The following MYO7A variants were observed in gnomAD, a reference collection of about 807,000 sequenced individuals.
The protein encoded by MYO7A is myosin VIIA, also known as unconventional myosin-VIIa.
MYO7A carries 210 observed loss-of-function variants against 263.8 expected under a neutral mutation model. The observed-to-expected ratio is 0.80, with a 90% CI of 0.71 to 0.89. The LOEUF is 0.89. Among genes scored for constraint, MYO7A ranks in the 40% least tolerant of loss-of-function variants. MYO7A has a pLI of 0.00. For synonymous variants in MYO7A, 1,239 were observed against 1,197.3 expected (o/e 1.03, Z -0.72); for missense variants, 2,820 against 2,968.3 (o/e 0.95, Z 1.16).
intron 2 of MYO7A, among the ~76,000 whole-genome samples, chr11:77,136,236 T>C (rs1950899269): frequency 6.6e-6 from 1 of 152,200 alleles, no homozygotes; most frequent in South Asian, 2.1e-4. Context: ...CTGGCCGCCG[T>C]GGTTTCTGAT....
At chr11:77,167,344 G>A (rs1953647829) in intron 15 of MYO7A, among the ~76,000 whole-genome samples, 1 of 152,094 alleles carries the variant, frequency 6.6e-6, no homozygotes, top group African/African-American at 2.4e-5. Context: ...AGGCCCTGGT[G>A]GGCGCCTATG....
intron 13 of MYO7A, among the ~76,000 whole-genome samples, chr11:77,162,540 T>C (rs1380001190): frequency 1.3e-5 from 2 of 152,212 alleles, no homozygotes; most frequent in Non-Finnish European, 2.9e-5. Flanking sequence ...GATCCATGCA[T>C]GCAGTTGGCA....
At chr11:77,169,554 C>T (rs1555074746) in intron 15 of MYO7A, among the ~76,000 whole-genome samples, 1 of 152,176 alleles carries the variant, frequency 6.6e-6, no homozygotes, top group African/African-American at 2.4e-5. Flanking sequence ...CCACCTTTAC[C>T]CCATCCCCAT....
At chr11:77,162,371 G>A (rs990260730) in intron 13 of MYO7A, 41 bp downstream of exon 13, 43 of 1,525,322 alleles carry the variant, frequency 2.8e-5, no homozygotes, top group Middle Eastern at 2.0e-4. Context: ...TCTTGGGTGC[G>A]CACAGCTTCC....
chr11:77,160,928 G>A (rs28581389), intron 11 of MYO7A, 45 bp from the exon 12 acceptor site: 34 of 1,575,794 alleles, frequency 2.2e-5, no homozygotes, highest in African/African-American at 1.8e-4. Flanking sequence ...CCTGTCCCCC[G>A]GGGGAGGGTG....
chr11:77,194,670 A>C, intron 32 of MYO7A, 146 bp downstream of exon 32: 28 of 869,334 alleles, frequency 3.2e-5, no homozygotes, highest in Middle Eastern at 3.5e-4. Flanking sequence ...ACATCAGCTC[A>C]CTCATTCTCC....
intron 14 of MYO7A, 29 bp from the exon 15 acceptor site, chr11:77,166,027 G>A (rs781986314): frequency 1.3e-6 from 2 of 1,561,116 alleles, no homozygotes; most frequent in South Asian, 1.1e-5. Context: ...CAGAGCTGGT[G>A]AGAGGTGACT....
intron 39 of MYO7A, 117 bp from the exon 40 acceptor site, chr11:77,205,345 G>T: frequency 8.1e-7 from 1 of 1,233,246 alleles, no homozygotes; most frequent in Non-Finnish European, 1.1e-6. Flanking sequence ...GGTCAGGAGG[G>T]ACGGTGCTGC....
chr11:77,158,424 T>A lies in MYO7A; in HGVS notation c.997T>A (p.Tyr333Asn). 6.2e-7 allele frequency: 1 copy of A among 1,611,432 alleles called. No homozygotes were observed. Among genetic ancestry groups the A allele is most frequent in the Non-Finnish European group, 8.5e-7 (1 of 1,179,522 alleles). The change falls in exon 9 of 49, where the codon TAT becomes AAT. Residue 333 changes from tyrosine to asparagine, a missense_variant. Transcript: ENST00000409709. ...AAILHLGNLQ[Y>N]EARTFENLDA... ...CATCCTGCACCTGGGCAACCTGCAG[T>A]ATGAGGGTGAGGCTGCGCCACACTC...
intron 3 of MYO7A, among the ~76,000 whole-genome samples, chr11:77,146,327 G>A (rs746795570): frequency 1.2e-4 from 18 of 152,208 alleles, no homozygotes; most frequent in Non-Finnish European, 2.1e-4. Flanking sequence ...GTCAGGGAAG[G>A]GCTGAGAGCC....
At chr11:77,146,329 C>T (rs1951563446) in intron 3 of MYO7A, among the ~76,000 whole-genome samples, 1 of 152,144 alleles carries the variant, frequency 6.6e-6, no homozygotes, top group Non-Finnish European at 1.5e-5. Context: ...CAGGGAAGGG[C>T]TGAGAGCCCC....
chr11:77,136,973 CTG>C (rs1281981275), intron 2 of MYO7A, among the ~76,000 whole-genome samples: 2 of 152,196 alleles, frequency 1.3e-5, no homozygotes, highest in Non-Finnish European at 2.9e-5. Context: ...ACAGTGTCCT[CTG>C]TACTTTAGTC....
intron 7 of MYO7A, 102 bp downstream of exon 7, chr11:77,157,106 C>T (rs1555063529): frequency 1.3e-6 from 2 of 1,509,728 alleles, no homozygotes; most frequent in Non-Finnish European, 9.0e-7. Context: ...GCTCCCCCAC[C>T]TGCCCGTATT....
rs1448300457 is a variant in MYO7A at position 77,207,391 on chromosome 11, A to G, written c.5845A>G (p.Ile1949Val). The G allele has an allele frequency of 6.2e-7, 1 of 1,606,936 alleles. No homozygotes were observed. The highest frequency in any genetic ancestry group is 1.7e-5 in the Admixed American group (1 of 59,226). Reference sequence around the variant, plus strand: ...AGAGGGATTCAGCCTCTTTGTCAAAATTGCAGACAAGGTGGGTCCTTTGCC... The same window carrying G: ...AGAGGGATTCAGCCTCTTTGTCAAAGTTGCAGACAAGGTGGGTCCTTTGCC... ...SSEGFSLFVK[I>V]ADKVLSVPEN... The change falls in exon 42 of 49, where the codon ATT becomes GTT. Residue 1949 changes from isoleucine to valine, a missense_variant. Physicochemically the swap from Ile to Val is conservative, Grantham distance 29. Transcript: ENST00000409709.
At chr11:77,182,675 G>A (rs1955345768) in intron 25 of MYO7A, 75 bp downstream of exon 25, 4 of 1,498,886 alleles carry the variant, frequency 2.7e-6, no homozygotes, top group African/African-American at 3.2e-5. Flanking sequence ...CCAGCCTTGG[G>A]CTCCTCTGCA....
rs1956130442 is a variant in MYO7A, at chr11:77,192,108, C to T, written c.3982C>T (p.Gln1328Ter). The change falls in exon 31 of 49, where the codon CAG (glutamine) becomes TAG (stop). Residue 1328 changes from glutamine (Q) to a stop codon, truncating the protein, a stop_gained. Coordinates refer to ENST00000409709, the MANE Select transcript of MYO7A (RefSeq NM_000260.4). LOFTEE classifies it high-confidence loss of function. ...CATGGACGCCATCTCCCAGTGCGAGCAGTACGCCAAGGAGCAGGGCGCCCA... is the reference window on the plus strand; with the variant it reads ...CATGGACGCCATCTCCCAGTGCGAGTAGTACGCCAAGGAGCAGGGCGCCCA... ...HVMDAISQCE[Q>*]YAKEQGAQER... The T allele has an allele frequency of 1.2e-6, 2 of 1,613,906 alleles. No individual in the cohort carries two copies. The highest frequency in any genetic ancestry group is 1.7e-6 in the Non-Finnish European group (2 of 1,179,894).
chr11:77,172,720 C>T (rs1555076869), intron 15 of MYO7A, 28 bp from the exon 16 acceptor site: 27 of 1,547,968 alleles, frequency 1.7e-5, no homozygotes, highest in Non-Finnish European at 2.3e-5. Context: ...GGCACAGCCC[C>T]TCCCATCGCT....
chr11:77,157,899 G>C (rs1230961597), intron 8 of MYO7A, among the ~76,000 whole-genome samples: 2 of 152,214 alleles, frequency 1.3e-5, no homozygotes, highest in African/African-American at 2.4e-5. Flanking sequence ...ACACCAGGCA[G>C]TACCTGCCTA....
Position 77,181,455 on chromosome 11 carries a change from G to C in MYO7A, c.2770G>C (p.Glu924Gln). 6.2e-7 allele frequency: 1 copy of C among 1,609,918 alleles called. No individual in the cohort carries two copies. The highest frequency in any genetic ancestry group is 8.5e-7 in the Non-Finnish European group (1 of 1,178,572). Residue 924 changes from glutamate (E) to glutamine (Q), a missense_variant, in exon 23 of 49, where the codon GAG becomes CAG. Physicochemically the swap from Glu to Gln is conservative, Grantham distance 29. Coordinates refer to ENST00000409709, the MANE Select transcript of MYO7A (RefSeq NM_000260.4). ...KEKEAARRKKELLEQMERARH... is the reference protein window; with the variant it reads ...KEKEAARRKKQLLEQMERARH... ...GAAGGAGGCCGCTCGGCGGAAGAAGGAGCTCCTGGAGCAGATGGAAAGGGC... is the reference window on the plus strand; with the variant it reads ...GAAGGAGGCCGCTCGGCGGAAGAAGCAGCTCCTGGAGCAGATGGAAAGGGC...
Sources: gnomAD v4.1 joint callset for allele counts (sites outside exome capture counted in the v4.1 genomes callset) on GRCh38, gnomAD v4.1.1 for gene constraint, MANE v1.5 for transcripts, NCBI Gene and HGNC (gene_info 2026-07-23, HGNC 2026-07-21) for gene names.